The following EIF2B3 variants were observed in gnomAD, a reference collection of about 807,000 sequenced individuals.
The protein encoded by EIF2B3 is translation initiation factor eIF2B subunit gamma.
In EIF2B3, 20 loss-of-function variants were observed where a neutral mutation model predicts 54.1. That is an observed-to-expected ratio of 0.37 (90% CI 0.26 to 0.54). EIF2B3 has a LOEUF of 0.54. EIF2B3 is among the 20% of genes least tolerant of loss of function. The probability of loss-of-function intolerance (pLI) is 0.86; values close to 1 mark genes in which losing one functional copy is unlikely to be tolerated. For synonymous variants in EIF2B3, 153 were observed against 188.1 expected (o/e 0.81, Z 1.52); for missense variants, 448 against 547.8 (o/e 0.82, Z 1.82).
intron 3 of EIF2B3, among the ~76,000 whole-genome samples, chr1:44,946,418 A>T (rs1644102461): frequency 6.6e-6 from 1 of 151,336 alleles, no homozygotes; most frequent in South Asian, 2.1e-4. Flanking sequence ...AAGGAAAGCT[A>T]AATCACACTT....
At chr1:44,884,652 T>TC (rs1419553350) in intron 6 of EIF2B3, among the ~76,000 whole-genome samples, 1 of 152,212 alleles carries the variant, frequency 6.6e-6, no homozygotes, top group Admixed American at 6.5e-5. Context: ...TAGCTCTTTT[T>TC]CTCCCCTTTT....
At chr1:44,934,754 C>G (rs1378783435) in intron 4 of EIF2B3, among the ~76,000 whole-genome samples, 2 of 152,202 alleles carry the variant, frequency 1.3e-5, no homozygotes, top group African/African-American at 4.8e-5. Context: ...ATCCACCCAC[C>G]TCAGCCTCCC....
At chr1:44,963,675 A>G (rs1471239150) in intron 3 of EIF2B3, among the ~76,000 whole-genome samples, 1 of 152,114 alleles carries the variant, frequency 6.6e-6, no homozygotes, top group African/African-American at 2.4e-5. Context: ...ATGCTTACTG[A>G]CTTCCCATAA....
intron 10 of EIF2B3, among the ~76,000 whole-genome samples, chr1:44,863,419 G>T (rs535875794): frequency 1.3e-5 from 2 of 152,180 alleles, no homozygotes; most frequent in African/African-American, 4.8e-5. Flanking sequence ...CTTTTTGGTA[G>T]AGATGGAATT....
At chr1:44,919,883 C>CTT (rs1194645004) in intron 5 of EIF2B3, among the ~76,000 whole-genome samples, 14 of 117,238 alleles carry the variant, frequency 1.2e-4, no homozygotes, top group Admixed American at 4.4e-4. Flanking sequence ...TGCCTGGCTA[C>CTT]TTTTTTTTTT....
chr1:44,916,192 A>G (rs979588902), intron 5 of EIF2B3, among the ~76,000 whole-genome samples: 53 of 152,142 alleles, frequency 3.5e-4, no homozygotes, highest in South Asian at 2.3e-3. Context: ...CTATTACCAT[A>G]TTCTTTATTT....
chr1:44,926,877 G>T, intron 4 of EIF2B3, 138 bp from the exon 5 acceptor site: 1 of 778,570 alleles, frequency 1.3e-6, no homozygotes, highest in Non-Finnish European at 2.1e-6. Flanking sequence ...GCTCACGCCT[G>T]TAATCCCAAG....
At chr1:44,958,424 C>T (rs1006643650) in intron 3 of EIF2B3, 14 of 548,428 alleles carry the variant, frequency 2.6e-5, no homozygotes, top group Non-Finnish European at 3.8e-5. Context: ...TTTAAGAGAC[C>T]GAAACCAGAT....
At chr1:44,954,321 G>A (rs543864264) in intron 3 of EIF2B3, among the ~76,000 whole-genome samples, 2 of 152,252 alleles carry the variant, frequency 1.3e-5, no homozygotes, top group South Asian at 4.1e-4. Context: ...ATTACTTTGG[G>A]CAGTATGGGC....
At chr1:44,897,797 C>T (rs551609628) in intron 5 of EIF2B3, among the ~76,000 whole-genome samples, 7 of 144,938 alleles carry the variant, frequency 4.8e-5, no homozygotes, top group South Asian at 2.2e-4. Flanking sequence ...AGTGCAGTGG[C>T]GTGATCTCGG....
intron 3 of EIF2B3, among the ~76,000 whole-genome samples, chr1:44,969,270 C>T (rs1250915959): frequency 2.6e-5 from 4 of 152,054 alleles, no homozygotes. Flanking sequence ...ATTAAATCAA[C>T]AAAAACCTAG....
At chr1:44,912,839 T>TC (rs964899494) in intron 5 of EIF2B3, among the ~76,000 whole-genome samples, 1 of 152,108 alleles carries the variant, frequency 6.6e-6, no homozygotes, top group African/African-American at 2.4e-5. Flanking sequence ...TGAGATAAAG[T>TC]CCCCTGCCTC....
intron 3 of EIF2B3, among the ~76,000 whole-genome samples, chr1:44,942,417 A>ATATATATATATATT (rs1557697130): frequency 3.9e-4 from 2 of 5,190 alleles, no homozygotes; most frequent in Non-Finnish European, 5.1e-4. Flanking sequence ...ATATATATAT[A>ATATATATATATATT]TTTTTTTTTT....
At chr1:44,959,167 GT>G in intron 3 of EIF2B3, 22 of 719,998 alleles carry the variant, frequency 3.1e-5, no homozygotes, top group Non-Finnish European at 3.0e-5. Context: ...ACAGTCTGGT[GT>G]TTTTGGCTTC....
intron 6 of EIF2B3, among the ~76,000 whole-genome samples, chr1:44,891,720 C>T (rs1655802866): frequency 6.6e-6 from 1 of 152,176 alleles, no homozygotes. Context: ...AATATGATCT[C>T]TGCTTGGAAG....
At chr1:44,884,354 C>T (rs1437314275) in intron 6 of EIF2B3, among the ~76,000 whole-genome samples, 1 of 152,132 alleles carries the variant, frequency 6.6e-6, no homozygotes, top group Non-Finnish European at 1.5e-5. Context: ...CCCACCACCT[C>T]TCCCAGCCCC....
intron 5 of EIF2B3, among the ~76,000 whole-genome samples, chr1:44,919,561 C>G (rs1643694179): frequency 6.6e-6 from 1 of 152,064 alleles, no homozygotes; most frequent in Admixed American, 6.6e-5. Flanking sequence ...TCATTTTCAT[C>G]AGAAGAAATA....
chr1:44,980,383 G>T (rs1296028749), intron 2 of EIF2B3, among the ~76,000 whole-genome samples: 1 of 151,988 alleles, frequency 6.6e-6, no homozygotes, highest in Non-Finnish European at 1.5e-5. Context: ...AGAATCACTT[G>T]AACCCGGGAG....
In EIF2B3 at chr1:44,984,797, C is replaced by CTTTTTTTTTTTTTTTTTT. The variant is rs71040529; in HGVS notation, c.-10+1678_-10+1695dup. ...GTAAAGCAGACAAAATAATGTCCAT[C>CTTTTTTTTTTTTTTTTTT]TTTTTTTTTTTTTTTTTTTTGAGAC... On this transcript the variant is annotated intron_variant, in intron 1 of 11. Coordinates refer to ENST00000360403, the MANE Select transcript of EIF2B3 (RefSeq NM_020365.5). 1.6e-4 allele frequency among the ~76,000 whole-genome samples: 14 copies of CTTTTTTTTTTTTTTTTTT among 88,536 alleles called. 4 individuals carry two copies. In the East Asian group the frequency reaches 3.2e-3, roughly 20 times the overall value. 58.1% of individuals were successfully genotyped at this position (88,536 alleles called of 152,430 possible).
Sources: gnomAD v4.1 joint callset for allele counts (sites outside exome capture counted in the v4.1 genomes callset) on GRCh38, gnomAD v4.1.1 for gene constraint, MANE v1.5 for transcripts, NCBI Gene and HGNC (gene_info 2026-07-23, HGNC 2026-07-21) for gene names.